ADGRB3: variants seen among roughly 807,000 people sequenced by gnomAD.
The protein encoded by ADGRB3 is adhesion G protein-coupled receptor B3.
In ADGRB3, 37 loss-of-function variants were observed where a neutral mutation model predicts 193.4. The observed-to-expected ratio is 0.19, with a 90% confidence interval of 0.15 to 0.25. The LOEUF (loss-of-function observed/expected upper bound fraction) is 0.25, where lower values mean the gene tolerates loss of function less well. ADGRB3 is among the 10% of genes least tolerant of loss of function. The pLI, the probability that ADGRB3 is intolerant of heterozygous loss-of-function variation, is 1.00. For synonymous variants in ADGRB3, 690 were observed against 644.2 expected, an observed-to-expected ratio of 1.07 and a Z score of -1.08; for missense variants, 1,637 against 1,852.9, an observed-to-expected ratio of 0.88 and a Z score of 2.14.
chr6:68,843,711 C>A (rs192729585), intron 3 of ADGRB3, among the ~76,000 whole-genome samples: 20 of 151,798 alleles, frequency 1.3e-4, no homozygotes, highest in Non-Finnish European at 2.1e-4. Context: ...CTCAGAATAG[C>A]CAAAGCTGTC....
intron 17 of ADGRB3, among the ~76,000 whole-genome samples, chr6:69,083,553 G>A (rs766993754): frequency 6.6e-5 from 10 of 152,114 alleles, no homozygotes; most frequent in Non-Finnish European, 1.0e-4. Context: ...TACAAATTAT[G>A]TAATGTGTTA....
intron 3 of ADGRB3, among the ~76,000 whole-genome samples, chr6:68,750,017 A>G (rs1437921578): frequency 6.6e-6 from 1 of 152,190 alleles, no homozygotes; most frequent in Non-Finnish European, 1.5e-5. Flanking sequence ...GTGAACATCC[A>G]TTTTGTGACC....
intron 20 of ADGRB3, among the ~76,000 whole-genome samples, chr6:69,294,824 T>A (rs1416082604): frequency 1.3e-5 from 2 of 152,192 alleles, no homozygotes; most frequent in African/African-American, 4.8e-5. Context: ...TATATCTGAA[T>A]ACCAATCTTT....
intron 16 of ADGRB3, among the ~76,000 whole-genome samples, chr6:69,073,923 G>T (rs1772152238): frequency 6.6e-6 from 1 of 152,050 alleles, no homozygotes; most frequent in Non-Finnish European, 1.5e-5. Context: ...ATTCAATCAG[G>T]TTCTGTGTTT....
intron 20 of ADGRB3, among the ~76,000 whole-genome samples, chr6:69,274,471 TCCTTCCTC>T (rs1213966729): frequency 0.029 from 4,125 of 141,018 alleles, 175 homozygotes; most frequent in African/African-American, 0.11. Context: ...CTTCCTTCCT[TCCTTCCTC>T]CCTCCCTCCC....
chr6:69,376,560 G>A (rs1372059172), intron 30 of ADGRB3, among the ~76,000 whole-genome samples: 3 of 151,972 alleles, frequency 2.0e-5, no homozygotes, highest in African/African-American at 4.8e-5. Flanking sequence ...TTTCATGGGG[G>A]CTTGAGTTTT....
At chr6:69,312,816 C>T (rs1451624243) in intron 20 of ADGRB3, among the ~76,000 whole-genome samples, 2 of 151,648 alleles carry the variant, frequency 1.3e-5, no homozygotes, top group Non-Finnish European at 2.9e-5. Context: ...CACATGAATG[C>T]ATAGCAGAAT....
At chr6:68,792,873 T>A (rs1767135721) in intron 3 of ADGRB3, among the ~76,000 whole-genome samples, 1 of 152,180 alleles carries the variant, frequency 6.6e-6, no homozygotes, top group Non-Finnish European at 1.5e-5. Flanking sequence ...TGTGTAATAT[T>A]TACATGATCT....
intron 3 of ADGRB3, among the ~76,000 whole-genome samples, chr6:68,731,185 A>C (rs997134020): frequency 1.3e-5 from 2 of 151,708 alleles, no homozygotes; most frequent in African/African-American, 4.8e-5. Flanking sequence ...ATAACTTACT[A>C]TTTGGTAAAT....
intron 16 of ADGRB3, among the ~76,000 whole-genome samples, chr6:69,063,246 A>G (rs1771802790): frequency 6.6e-6 from 1 of 151,958 alleles, no homozygotes; most frequent in Non-Finnish European, 1.5e-5. Flanking sequence ...AAATGAGTAT[A>G]TGTATTATAA....
At chr6:68,755,601 A>G (rs762344621) in intron 3 of ADGRB3, among the ~76,000 whole-genome samples, 6 of 152,218 alleles carry the variant, frequency 3.9e-5, no homozygotes, top group Non-Finnish European at 7.3e-5. Context: ...GTGAACAATA[A>G]AAATGAATCA....
At chr6:69,155,634 C>G (rs1243604485) in intron 17 of ADGRB3, among the ~76,000 whole-genome samples, 1 of 152,038 alleles carries the variant, frequency 6.6e-6, no homozygotes, top group Non-Finnish European at 1.5e-5. Flanking sequence ...ACTATCAATC[C>G]CAATCAGTCA....
At chr6:68,758,758 G>A (rs1306650721) in intron 3 of ADGRB3, among the ~76,000 whole-genome samples, 32 of 152,052 alleles carry the variant, frequency 2.1e-4, no homozygotes. Flanking sequence ...TGCCCATTAA[G>A]CACTTTTTAT....
intron 11 of ADGRB3, among the ~76,000 whole-genome samples, chr6:68,998,739 A>T (rs1582382484): frequency 6.6e-6 from 1 of 152,238 alleles, no homozygotes; most frequent in Admixed American, 6.5e-5. Flanking sequence ...TTATGACATT[A>T]TCACCATTTT....
Position 68,993,791 on chromosome 6 carries a change from G to A in ADGRB3, c.1758G>A (p.Gly586=), listed in dbSNP as rs540566410. Residue 586 remains glycine (G), a synonymous_variant, in exon 11 of 32, where the codon GGG becomes GGA. Transcript: ENST00000370598. ...QHSIKEHLAK[G]QRMLAGDGMS... The stretch of plus-strand genomic sequence containing the variant: ...AGATTAAAGAGCACCTTGCTAAGGG[G>A]CAGCGAATGCTGGCAGGTGATGGAA... 7 of 1,613,764 alleles carry A rather than the reference G, an allele frequency of 4.3e-6. No homozygotes were observed. Among genetic ancestry groups the A allele is most frequent in the African/African-American group, 4.0e-5 (3 of 75,018 alleles).
At chr6:69,152,630 A>T (rs1774711394) in intron 17 of ADGRB3, among the ~76,000 whole-genome samples, 1 of 152,194 alleles carries the variant, frequency 6.6e-6, no homozygotes, top group African/African-American at 2.4e-5. Flanking sequence ...TTTTAAATCC[A>T]CATGTGTTAA....
At chr6:68,665,176 G>A (rs75263139) in intron 3 of ADGRB3, among the ~76,000 whole-genome samples, 3,357 of 151,210 alleles carry the variant, frequency 0.022, 65 homozygotes, top group South Asian at 0.07. Context: ...GTAGGTTCTC[G>A]GTGCTCTACA....
chr6:68,674,506 C>T (rs556651638), intron 3 of ADGRB3, among the ~76,000 whole-genome samples: 4 of 151,896 alleles, frequency 2.6e-5, no homozygotes, highest in South Asian at 2.1e-4. Context: ...ACTTATTAGG[C>T]GTGACAAAGC....
chr6:69,252,084 G>A (rs566468349), intron 20 of ADGRB3, among the ~76,000 whole-genome samples: 62 of 152,164 alleles, frequency 4.1e-4, no homozygotes, highest in African/African-American at 1.4e-3. Context: ...TCATAGGCAA[G>A]CGTTGTTCTG....
Sources: allele counts gnomAD v4.1 joint callset (sites outside exome capture counted in the v4.1 genomes callset), GRCh38; gene constraint gnomAD v4.1.1; transcripts MANE v1.5; gene names NCBI Gene and HGNC (gene_info 2026-07-23, HGNC 2026-07-21).